ANKFN1: variants seen among roughly 807,000 people sequenced by gnomAD.
ANKFN1 encodes the protein ankyrin repeat and fibronectin type III domain containing 1, also known as ankyrin repeat and fibronectin type-III domain-containing protein 1.
In ANKFN1, 74 loss-of-function variants were observed where a neutral mutation model predicts 108.7. The observed-to-expected ratio is 0.68, with a 90% CI of 0.56 to 0.83. The LOEUF (loss-of-function observed/expected upper bound fraction) is 0.83. Ranked by LOEUF, ANKFN1 falls within the 40% of genes least tolerant of loss-of-function variation. ANKFN1 has a pLI of 0.00. For synonymous variants in ANKFN1, 547 were observed against 516.2 expected (o/e 1.06, Z -0.81); for missense variants, 1,505 against 1,382.3 (o/e 1.09, Z -1.41).
intron 4 of ANKFN1, among the ~76,000 whole-genome samples, chr17:56,122,582 T>C (rs889650577): frequency 6.6e-6 from 1 of 152,162 alleles, no homozygotes. Flanking sequence ...CAGAGAAAAC[T>C]TCATTCATCC....
At chr17:56,087,150 C>T (rs879798124) in intron 4 of ANKFN1, among the ~76,000 whole-genome samples, 1 of 151,306 alleles carries the variant, frequency 6.6e-6, no homozygotes. Context: ...GAGCCAGGAT[C>T]TGTTCCTTGA....
chr17:56,319,451 A>G (rs935572590), intron 3 of ANKFN1, among the ~76,000 whole-genome samples: 1 of 152,212 alleles, frequency 6.6e-6, no homozygotes, highest in Non-Finnish European at 1.5e-5. Flanking sequence ...TTGAATCACC[A>G]ATAAAAGACT....
chr17:56,077,486 C>T lies in ANKFN1; in HGVS notation c.288+31161C>T, dbSNP rs536461390. ...ACCAACTTTTTCATAAGTGGCCCTG[C>T]TCTTGTCTTTATTCCAGCCCTGACA... On this transcript the variant is annotated intron_variant, in intron 4 of 12. Coordinates refer to the ANKFN1 transcript ENST00000635860. Among the ~76,000 whole-genome samples the T allele has an allele frequency of 2.0e-5, 3 of 152,308 alleles. No individual in the cohort carries two copies. In the East Asian group the frequency reaches 5.8e-4, roughly 29 times the overall value.
chr17:56,207,212 C>A (rs1405697910), intron 1 of ANKFN1, among the ~76,000 whole-genome samples: 1 of 152,204 alleles, frequency 6.6e-6, no homozygotes, highest in Non-Finnish European at 1.5e-5. Flanking sequence ...GCAGCATCAG[C>A]ATCACCTGGG....
At chr17:56,449,207 T>C (rs759372527) in intron 11 of ANKFN1, 21 bp downstream of exon 11, 3 of 1,604,506 alleles carry the variant, frequency 1.9e-6, no homozygotes, top group African/African-American at 1.3e-5. Flanking sequence ...AAATCTGTGC[T>C]GGGCCATCAA....
intron 4 of ANKFN1, among the ~76,000 whole-genome samples, chr17:56,141,369 G>A (rs933966165): frequency 2.6e-5 from 4 of 152,244 alleles, no homozygotes; most frequent in South Asian, 2.1e-4. Flanking sequence ...GGGGCAGCTG[G>A]CGATTTCCCC....
chr17:56,244,861 A>T (rs1917844276), intron 3 of ANKFN1, among the ~76,000 whole-genome samples: 1 of 152,136 alleles, frequency 6.6e-6, no homozygotes, highest in African/African-American at 2.4e-5. Context: ...TTTAATTTAG[A>T]CAAGTATCAC....
At chr17:56,453,118 A>T (rs1428385517) in intron 11 of ANKFN1, among the ~76,000 whole-genome samples, 1 of 151,996 alleles carries the variant, frequency 6.6e-6, no homozygotes, top group Non-Finnish European at 1.5e-5. Context: ...TATTTTCCCC[A>T]TATCTCTAAG....
intron 8 of ANKFN1, among the ~76,000 whole-genome samples, chr17:56,392,062 G>T (rs1468616381): frequency 1.3e-5 from 2 of 152,042 alleles, no homozygotes; most frequent in African/African-American, 4.8e-5. Flanking sequence ...CATACTAAGT[G>T]GTTCCTACAT....
intron 4 of ANKFN1, among the ~76,000 whole-genome samples, chr17:56,107,354 A>T (rs962802318): frequency 1.3e-5 from 2 of 152,166 alleles, no homozygotes; most frequent in Non-Finnish European, 2.9e-5. Flanking sequence ...CATGTCCCCA[A>T]AAAAAGGCCA....
chr17:56,479,792 C>G (rs1410177125), intron 16 of ANKFN1, among the ~76,000 whole-genome samples: 2 of 152,210 alleles, frequency 1.3e-5, no homozygotes, highest in African/African-American at 4.8e-5. Context: ...GGAGGGCTTT[C>G]CTTTCCTCTC....
intron 6 of ANKFN1, among the ~76,000 whole-genome samples, chr17:56,361,980 G>T (rs1486532089): frequency 6.6e-6 from 1 of 152,118 alleles, no homozygotes. Flanking sequence ...GCAGAATTCT[G>T]CTGATCTCAC....
intron 1 of ANKFN1, among the ~76,000 whole-genome samples, chr17:56,155,370 G>A (rs1462296035): frequency 6.6e-6 from 1 of 152,226 alleles, no homozygotes; most frequent in Non-Finnish European, 1.5e-5. Context: ...TCACTGCTGA[G>A]AGGTCTGAAT....
intron 8 of ANKFN1, among the ~76,000 whole-genome samples, chr17:56,386,065 G>C (rs911182802): frequency 4.9e-4 from 74 of 152,180 alleles, no homozygotes; most frequent in African/African-American, 1.5e-3. Context: ...AGACTTGGAA[G>C]CAACCCAAAT....
At chr17:56,480,444 C>T (rs1278356596) in intron 16 of ANKFN1, among the ~76,000 whole-genome samples, 1 of 152,128 alleles carries the variant, frequency 6.6e-6, no homozygotes, top group Non-Finnish European at 1.5e-5. Context: ...ATTAGGCCTA[C>T]TGTTCTGAGG....
intron 2 of ANKFN1, among the ~76,000 whole-genome samples, chr17:56,215,992 C>G (rs545110482): frequency 6.6e-6 from 1 of 152,272 alleles, no homozygotes; most frequent in South Asian, 2.1e-4. Context: ...TAAACAGTTG[C>G]CTGAGTTTAT....
In ANKFN1 at chr17:56,301,088, A is replaced by G. The variant is rs530246412; in HGVS notation, c.54-25133A>G. On this transcript the variant is annotated intron_variant, in intron 3 of 20. Coordinates refer to ENST00000682825, the MANE Select transcript of ANKFN1 (RefSeq NM_001370326.1). ...TCTCACAAAGCTTGGTGAAGATGAC[A>G]TTCCTCCAAAGTTAGTGAGTTTCCT... Among the ~76,000 whole-genome samples the G allele has an allele frequency of 2.0e-5, 3 of 152,326 alleles. No individual in the cohort carries two copies. In the South Asian group the frequency reaches 6.2e-4, roughly 32 times the overall value.
At chr17:56,478,035 C>T (rs1232283936) in intron 16 of ANKFN1, among the ~76,000 whole-genome samples, 2 of 152,122 alleles carry the variant, frequency 1.3e-5, no homozygotes, top group Non-Finnish European at 2.9e-5. Flanking sequence ...CCATGTTGGT[C>T]GGGCTGGTCT....
rs1215279797 is a variant in ANKFN1 at position 56,189,316 on chromosome 17, G to T, written c.-70-23282G>T. On this transcript the variant is annotated intron_variant, in intron 1 of 20. Transcript: ENST00000682825. ...CTCCCAAGTAGCTGGGACTACAGGC[G>T]CCCGCCACTACGCCTGGCTAATTTT... Among the ~76,000 whole-genome samples the T allele has an allele frequency of 2.0e-5, 3 of 147,180 alleles. No homozygotes were observed. In the East Asian group the frequency reaches 6.1e-4, roughly 30 times the overall value.
Sources: gnomAD v4.1 joint callset for allele counts (sites outside exome capture counted in the v4.1 genomes callset) on GRCh38, gnomAD v4.1.1 for gene constraint, MANE v1.5 for transcripts, NCBI Gene and HGNC (gene_info 2026-07-23, HGNC 2026-07-21) for gene names.